The following TPST2 variants were observed in gnomAD, a reference collection of about 807,000 sequenced individuals.
The protein encoded by TPST2 is tyrosylprotein sulfotransferase 2, also known as protein-tyrosine sulfotransferase 2.
TPST2 carries 16 observed loss-of-function variants against 27.8 expected under a neutral mutation model. That is an observed-to-expected ratio of 0.58 (90% confidence interval 0.39 to 0.88). The LOEUF (loss-of-function observed/expected upper bound fraction) is 0.88, where lower values mean the gene tolerates loss of function less well. TPST2 is among the 40% of genes least tolerant of loss of function. The pLI is 0.00. For missense variants in TPST2, 464 were observed against 543.1 expected (o/e 0.85, Z 1.45); for synonymous variants, 229 against 231.7 (o/e 0.99, Z 0.10).
In TPST2 at chr22:26,541,487, C is replaced by T. The variant is rs1270599881; in HGVS notation, c.144G>A (p.Glu48=). 1 of 1,611,812 alleles carries T rather than the reference C, an allele frequency of 6.2e-7. No individual in the cohort carries two copies. Among genetic ancestry groups the T allele is most frequent in the Non-Finnish European group, 8.5e-7 (1 of 1,178,922 alleles). Residue 48 remains glutamate (E), a synonymous_variant, in exon 3 of 7, where the codon GAG becomes GAA. Coordinates refer to ENST00000338754, the MANE Select transcript of TPST2 (RefSeq NM_003595.5). This position sits in a 1 kb window ranked among gnomAD's most constrained non-coding sequence, Gnocchi z 5.9. ...TGCCCACCATCACCAGCTCCTCCTG[C>T]TCAGGCCGCATGGCCCCCCGGGGGC... ...LRSPRGAMRP[E]QEELVMVGTN...
intron 1 of TPST2, among the ~76,000 whole-genome samples, chr22:26,587,604 T>TG (rs1569200086): frequency 6.6e-6 from 1 of 152,132 alleles, no homozygotes; most frequent in Non-Finnish European, 1.5e-5. Flanking sequence ...GCTCCCAAAG[T>TG]GCTGGGATTA....
At chr22:26,545,709 A>T (rs1223871204) in intron 1 of TPST2, among the ~76,000 whole-genome samples, 1 of 151,992 alleles carries the variant, frequency 6.6e-6, no homozygotes, top group African/African-American at 2.4e-5. Flanking sequence ...TATACATATC[A>T]CTCCTCTCAG....
At chr22:26,562,847 T>A (rs1053235222) in intron 1 of TPST2, among the ~76,000 whole-genome samples, 2 of 152,132 alleles carry the variant, frequency 1.3e-5, no homozygotes, top group East Asian at 3.8e-4. Flanking sequence ...GGTCTCAAAC[T>A]CTCGACCTCA....
At chr22:26,577,104 A>G (rs577895528) in intron 1 of TPST2, among the ~76,000 whole-genome samples, 1 of 150,998 alleles carries the variant, frequency 6.6e-6, no homozygotes, top group Non-Finnish European at 1.5e-5. Flanking sequence ...GCAAAAAAAA[A>G]AAAAAAAAAG....
At position 26,541,669 on chromosome 22, in the gene TPST2, G is replaced by A. The variant is rs760079371; in HGVS notation, c.-39C>T. The stretch of plus-strand genomic sequence containing the variant: ...CAGGGTAGGCCTGGCCTGAGGGCCC[G>A]CTTCTGGGGCTTCAGCGACAGGTTA... On this transcript the variant is annotated 5_prime_UTR_variant, in exon 3 of 7. Coordinates refer to ENST00000338754, the MANE Select transcript of TPST2 (RefSeq NM_003595.5). This position sits in a 1 kb window ranked among gnomAD's most constrained non-coding sequence, Gnocchi z 5.9. 1.1e-5 allele frequency: 17 copies of A among 1,511,068 alleles called. No individual in the cohort carries two copies. The highest frequency in any genetic ancestry group is 8.7e-5 in the Admixed American group (4 of 46,240). 93.6% of individuals were successfully genotyped at this position (1,511,068 alleles called of 1,614,324 possible). A position where few individuals can be genotyped will look rare whatever the true frequency, so the allele number is the denominator to read the frequency against.
At chr22:26,575,560 G>C (rs1459570484) in intron 1 of TPST2, among the ~76,000 whole-genome samples, 2 of 152,198 alleles carry the variant, frequency 1.3e-5, no homozygotes, top group African/African-American at 2.4e-5. Flanking sequence ...GGCAGGAACA[G>C]GGTCTCTCCT....
chr22:26,564,067 G>A (rs1338463785), intron 1 of TPST2, among the ~76,000 whole-genome samples: 3 of 152,112 alleles, frequency 2.0e-5, no homozygotes, highest in Non-Finnish European at 2.9e-5. Context: ...TTGTGTTGCC[G>A]GAGGTTGCCG....
intron 1 of TPST2, among the ~76,000 whole-genome samples, chr22:26,554,004 A>C (rs919060387): frequency 6.6e-6 from 1 of 152,160 alleles, no homozygotes; most frequent in Non-Finnish European, 1.5e-5. Context: ...ACGGACAGCC[A>C]ACAATATATT....
chr22:26,532,879 A>G (rs1190728262), intron 4 of TPST2, 134 bp from the exon 5 acceptor site: 1 of 747,250 alleles, frequency 1.3e-6, no homozygotes, highest in East Asian at 2.5e-5. Flanking sequence ...AACATTGCTT[A>G]AGCTCCTCTT....
At chr22:26,540,641 T>C (rs1925739797) in intron 3 of TPST2, 148 bp downstream of exon 3, 3 of 669,778 alleles carry the variant, frequency 4.5e-6, no homozygotes, top group African/African-American at 1.8e-5. Context: ...ATTGTTGTCA[T>C]TTTTTGGGAT....
intron 1 of TPST2, among the ~76,000 whole-genome samples, chr22:26,564,747 T>C (rs531412435): frequency 6.6e-6 from 1 of 152,270 alleles, no homozygotes; most frequent in Admixed American, 6.5e-5. Flanking sequence ...ATTCTCCCCA[T>C]TTGACAAATG....
intron 1 of TPST2, among the ~76,000 whole-genome samples, chr22:26,581,052 A>G (rs937041569): frequency 2.6e-3 from 169 of 65,580 alleles, no homozygotes; most frequent in Middle Eastern, 9.3e-3. Flanking sequence ...ACACACACAC[A>G]CGCACACACA....
At chr22:26,545,978 T>C (rs1926100130) in intron 1 of TPST2, among the ~76,000 whole-genome samples, 1 of 150,482 alleles carries the variant, frequency 6.6e-6, no homozygotes, top group Non-Finnish European at 1.5e-5. Context: ...TTGGGAGGCT[T>C]AGATGGGAGG....
chr22:26,533,809 G>T (rs1163893287), intron 4 of TPST2, among the ~76,000 whole-genome samples: 4 of 151,930 alleles, frequency 2.6e-5, no homozygotes, highest in South Asian at 2.1e-4. Flanking sequence ...TGAGTAGCTG[G>T]GACTATAGGC....
chr22:26,552,626 G>A (rs1227880053), intron 1 of TPST2, among the ~76,000 whole-genome samples: 1 of 152,180 alleles, frequency 6.6e-6, no homozygotes, highest in Admixed American at 6.5e-5. Flanking sequence ...CTGCGAGTTT[G>A]CAACTGTAAT....
At chr22:26,579,529 T>C (rs1186369709) in intron 1 of TPST2, among the ~76,000 whole-genome samples, 1 of 152,224 alleles carries the variant, frequency 6.6e-6, no homozygotes, top group Non-Finnish European at 1.5e-5. Context: ...ACAGGGCCTC[T>C]GTCTTCCACC....
intron 1 of TPST2, among the ~76,000 whole-genome samples, chr22:26,583,405 C>G (rs1207212601): frequency 7.1e-6 from 1 of 140,606 alleles, no homozygotes; most frequent in East Asian, 2.0e-4. Flanking sequence ...CCACTGCACT[C>G]CAGCCTGGGC....
intron 1 of TPST2, among the ~76,000 whole-genome samples, chr22:26,572,770 G>C (rs1052207931): frequency 6.6e-6 from 1 of 152,040 alleles, no homozygotes; most frequent in African/African-American, 2.4e-5. Flanking sequence ...TTGCAGTCTG[G>C]TGGGTTTTTT....
rs531917631 is a variant in TPST2, at chr22:26,541,302, C to T, written c.329G>A (p.Arg110His). 13 of 1,542,726 alleles carry T rather than the reference C, an allele frequency of 8.4e-6. No homozygotes were observed. Among genetic ancestry groups the T allele is most frequent in the East Asian group, 6.8e-5 (3 of 44,168 alleles). ...ACGGCCAGACTTGGACCAGGCCTGG[C>T]GCATGGCCAGCACGCGCGGGATGAT... is the stretch of plus-strand genomic sequence containing the variant. The part of the protein sequence containing the change: ...TRIIPRVLAM[R>H]QAWSKSGREK... The change falls in exon 3 of 7, where the codon CGC becomes CAC. Residue 110 changes from arginine to histidine, a missense_variant. Arg to His is a conservative substitution (Grantham distance 29). Coordinates refer to ENST00000338754, the MANE Select transcript of TPST2 (RefSeq NM_003595.5). The surrounding 1 kb of genome is among the most constrained non-coding windows in gnomAD (Gnocchi z 5.9).
Sources: allele counts gnomAD v4.1 joint callset (sites outside exome capture counted in the v4.1 genomes callset), GRCh38; gene constraint gnomAD v4.1.1; non-coding constraint Gnocchi (gnomAD v3.1); transcripts MANE v1.5; gene names NCBI Gene and HGNC (gene_info 2026-07-23, HGNC 2026-07-21).